Variants in HERPUD2 observed in about 807,000 individuals in gnomAD.
HERPUD2 encodes the protein HERPUD family member 2, also known as homocysteine-responsive endoplasmic reticulum-resident ubiquitin-like domain member 2 protein.
In HERPUD2, 13 loss-of-function variants were observed where a neutral mutation model predicts 49.9. The ratio of observed to expected loss-of-function variants is 0.26; its 90% CI spans 0.17 to 0.41. HERPUD2 has a LOEUF of 0.41. Ranked by LOEUF, HERPUD2 falls within the 10% of genes least tolerant of loss-of-function variation. The probability of loss-of-function intolerance (pLI) is 1.00; values close to 1 mark genes in which losing one functional copy is unlikely to be tolerated. For missense variants in HERPUD2, 449 were observed against 492.2 expected, an observed-to-expected ratio of 0.91 and a Z score of 0.83; for synonymous variants, 172 against 171.4, an observed-to-expected ratio of 1.00 and a Z score of -0.03.
At chr7:35,645,203 T>C (rs1399216194) in intron 5 of HERPUD2, among the ~76,000 whole-genome samples, 1 of 152,202 alleles carries the variant, frequency 6.6e-6, no homozygotes, top group African/African-American at 2.4e-5. Flanking sequence ...AAAAGCAGTA[T>C]ATAAAAATAC....
intron 5 of HERPUD2, among the ~76,000 whole-genome samples, chr7:35,658,874 G>C (rs1177877860): frequency 6.6e-6 from 1 of 152,190 alleles, no homozygotes; most frequent in East Asian, 1.9e-4. Flanking sequence ...TCAGGAGCTA[G>C]GTAGGCAAAT....
At chr7:35,637,497 G>C (rs192660987) in intron 6 of HERPUD2, among the ~76,000 whole-genome samples, 1 of 152,282 alleles carries the variant, frequency 6.6e-6, no homozygotes, top group Admixed American at 6.5e-5. Flanking sequence ...CAGAGGAATT[G>C]AATTTTAGAT....
At chr7:35,682,825 C>CAAA (rs34729704) in intron 2 of HERPUD2, among the ~76,000 whole-genome samples, 1 of 129,200 alleles carries the variant, frequency 7.7e-6, no homozygotes, top group Non-Finnish European at 1.6e-5. Flanking sequence ...ACAACAGCTG[C>CAAA]AAAAAAAAAA....
chr7:35,683,328 C>T (rs1785956201), intron 2 of HERPUD2, among the ~76,000 whole-genome samples: 1 of 152,154 alleles, frequency 6.6e-6, no homozygotes, highest in Non-Finnish European at 1.5e-5. Context: ...GGAAAGGACA[C>T]CCTTTTCCAC....
chr7:35,675,839 C>A (rs1785748620), intron 2 of HERPUD2, among the ~76,000 whole-genome samples: 1 of 152,146 alleles, frequency 6.6e-6, no homozygotes, highest in Non-Finnish European at 1.5e-5. Flanking sequence ...CAGGTGCGAT[C>A]ATGGTACACA....
Position 35,633,609 on chromosome 7 carries a change from T to A in HERPUD2, c.*81A>T, listed in dbSNP as rs1784821176. 2 of 1,271,672 alleles carry A rather than the reference T, an allele frequency of 1.6e-6. No individual in the cohort carries two copies. The highest frequency in any genetic ancestry group is 3.0e-5 in the African/African-American group (2 of 66,556). 78.8% of individuals were successfully genotyped at this position (1,271,672 alleles called of 1,614,324 possible). A position where few individuals can be genotyped will look rare whatever the true frequency, so the allele number is the denominator to read the frequency against. On this transcript the variant is annotated 3_prime_UTR_variant, in exon 9 of 9. Coordinates refer to ENST00000311350, the MANE Select transcript of HERPUD2 (RefSeq NM_022373.5). ...GTACATGATGATCAAAAGAAAGTTA[T>A]AAATTTTTTTGAAATTGCACTGTTA...
chr7:35,657,754 C>CAA (rs769917771), intron 5 of HERPUD2, among the ~76,000 whole-genome samples: 1 of 127,342 alleles, frequency 7.9e-6, no homozygotes, highest in Non-Finnish European at 1.7e-5. Flanking sequence ...CTAAAAAATA[C>CAA]AAAAAAAAAA....
At chr7:35,686,883 T>A (rs1786073344) in intron 2 of HERPUD2, among the ~76,000 whole-genome samples, 1 of 114,694 alleles carries the variant, frequency 8.7e-6, no homozygotes, top group Admixed American at 1.0e-4. Flanking sequence ...CTGGCTAACA[T>A]GGTGAAACCC....
At chr7:35,646,748 A>C (rs1407345142) in intron 5 of HERPUD2, among the ~76,000 whole-genome samples, 3 of 152,312 alleles carry the variant, frequency 2.0e-5, no homozygotes, top group East Asian at 3.9e-4. Flanking sequence ...AAAACTGAGT[A>C]AGATAATAAC....
intron 5 of HERPUD2, among the ~76,000 whole-genome samples, chr7:35,659,889 T>G (rs759332808): frequency 4.6e-5 from 7 of 152,176 alleles, no homozygotes; most frequent in Non-Finnish European, 1.0e-4. Context: ...TTCCTTTATT[T>G]TATTTTATTT....
intron 2 of HERPUD2, among the ~76,000 whole-genome samples, chr7:35,691,777 A>G (rs1258144545): frequency 6.6e-6 from 1 of 152,212 alleles, no homozygotes; most frequent in South Asian, 2.1e-4. Flanking sequence ...ATGACCTTAC[A>G]AAGTAAACTT....
intron 5 of HERPUD2, among the ~76,000 whole-genome samples, chr7:35,664,389 A>T (rs1419535769): frequency 2.0e-5 from 3 of 152,068 alleles, no homozygotes; most frequent in Non-Finnish European, 4.4e-5. Context: ...ATTCTCGAGG[A>T]GTATCTTTGT....
chr7:35,678,662 C>A (rs752657953), intron 2 of HERPUD2, among the ~76,000 whole-genome samples: 10 of 152,174 alleles, frequency 6.6e-5, no homozygotes, highest in Admixed American at 3.9e-4. Context: ...ATTAATTTTG[C>A]CTTCTCTACG....
chr7:35,692,895 A>G (rs936238810), intron 2 of HERPUD2, among the ~76,000 whole-genome samples: 3 of 152,248 alleles, frequency 2.0e-5, no homozygotes, highest in African/African-American at 7.2e-5. Context: ...AAGTGTAGAA[A>G]GCATAGTTGC....
chr7:35,671,028 A>C (rs890858036), intron 3 of HERPUD2, among the ~76,000 whole-genome samples: 2 of 152,124 alleles, frequency 1.3e-5, no homozygotes, highest in Non-Finnish European at 2.9e-5. Context: ...AGGAGGACAG[A>C]GAACAATGAA....
chr7:35,633,685 T>G lies in HERPUD2; in HGVS notation c.*5A>C. On this transcript the variant is annotated 3_prime_UTR_variant, in exon 9 of 9. Coordinates refer to ENST00000311350, the MANE Select transcript of HERPUD2 (RefSeq NM_022373.5). Reference sequence around the variant, plus strand: ...CCCTCCTTGTAGCTGGCACAGTTTTTCAGGTCAATTGGCAACCTGGGGAGG... The same window carrying G: ...CCCTCCTTGTAGCTGGCACAGTTTTGCAGGTCAATTGGCAACCTGGGGAGG... The G allele has an allele frequency of 6.2e-7, 1 of 1,611,766 alleles. No homozygotes were observed. Among genetic ancestry groups the G allele is most frequent in the Non-Finnish European group, 8.5e-7 (1 of 1,179,092 alleles).
At chr7:35,648,667 A>AT (rs1434619379) in intron 5 of HERPUD2, among the ~76,000 whole-genome samples, 1 of 152,142 alleles carries the variant, frequency 6.6e-6, no homozygotes, top group Non-Finnish European at 1.5e-5. Context: ...GTGCTCAGTC[A>AT]TTAGCTTGCC....
intron 5 of HERPUD2, among the ~76,000 whole-genome samples, chr7:35,654,599 A>G (rs899049752): frequency 4.0e-5 from 6 of 149,716 alleles, no homozygotes; most frequent in African/African-American, 1.5e-4. Flanking sequence ...AGTAATTAAA[A>G]AAAAAAAAAA....
At chr7:35,657,619 A>G (rs1785305091) in intron 5 of HERPUD2, among the ~76,000 whole-genome samples, 1 of 150,282 alleles carries the variant, frequency 6.7e-6, no homozygotes, top group African/African-American at 2.4e-5. Flanking sequence ...AAAAAAAAAA[A>G]AAAAAAGGCC....
Sources: allele counts gnomAD v4.1 joint callset (sites outside exome capture counted in the v4.1 genomes callset), GRCh38; gene constraint gnomAD v4.1.1; transcripts MANE v1.5; gene names NCBI Gene and HGNC (gene_info 2026-07-23, HGNC 2026-07-21).